Variants in KITLG observed in about 807,000 individuals in gnomAD.
KITLG encodes the protein c-Kit ligand.
KITLG carries 13 observed loss-of-function variants against 34.1 expected under a neutral mutation model. The ratio of observed to expected loss-of-function variants is 0.38; its 90% CI spans 0.25 to 0.61. The LOEUF (loss-of-function observed/expected upper bound fraction) is 0.61. Ranked by LOEUF, KITLG falls within the 20% of genes least tolerant of loss-of-function variation. KITLG has a pLI of 0.60. For missense variants in KITLG, 292 were observed against 318.9 expected (o/e 0.92, Z 0.64); for synonymous variants, 110 against 104.0 (o/e 1.06, Z -0.35).
chr12:88,517,355 T>A (rs1271833232), intron 4 of KITLG, among the ~76,000 whole-genome samples: 1 of 151,980 alleles, frequency 6.6e-6, no homozygotes, highest in Admixed American at 6.6e-5. Flanking sequence ...TAAAGAAAAG[T>A]AGGTAACCAA....
At position 88,521,023 on chromosome 12, in the gene KITLG, G is replaced by A. The variant is rs117086526; in HGVS notation, c.193-2156C>T. Reference sequence around the variant, plus strand: ...TTTGTTGATAGTTGATATAAACTACGTGCCTACACAGCTGAAAAATCGTGT... The same window carrying A: ...TTTGTTGATAGTTGATATAAACTACATGCCTACACAGCTGAAAAATCGTGT... On this transcript the variant is annotated intron_variant, in intron 3 of 9. Transcript: ENST00000644744. 1.5e-3 allele frequency among the ~76,000 whole-genome samples: 227 copies of A among 152,138 alleles called. 3 individuals carry two copies. Among genetic ancestry groups the A allele is most frequent in the East Asian group, 9.8e-3 (51 of 5,182 alleles).
Position 88,516,385 on chromosome 12 carries a change from C to T in KITLG, c.469G>A (p.Ala157Thr). 6.2e-7 allele frequency: 1 copy of T among 1,611,216 alleles called. No homozygotes were observed. Among genetic ancestry groups the T allele is most frequent in the Non-Finnish European group, 8.5e-7 (1 of 1,177,934 alleles). ...SIDAFKDFVV[A>T]SETSDCVVSS... is the part of the protein sequence containing the mutation. ...ACCACACAATCACTAGTTTCAGATG[C>T]CACTACAAAGTCCTTGAAGGCATCA... Residue 157 changes from alanine (A) to threonine (T), a missense_variant, in exon 5 of 10, where the codon GCA (alanine) becomes ACA (threonine). Ala to Thr is a moderately conservative substitution (Grantham distance 58, BLOSUM62 0). Coordinates refer to ENST00000644744, the MANE Select transcript of KITLG (RefSeq NM_000899.5).
intron 2 of KITLG, among the ~76,000 whole-genome samples, chr12:88,533,598 A>G (rs866537245): frequency 6.6e-6 from 1 of 152,190 alleles, no homozygotes; most frequent in African/African-American, 2.4e-5. Context: ...ACCATTGGGT[A>G]TTAAGATAAC....
intron 1 of KITLG, among the ~76,000 whole-genome samples, chr12:88,579,352 T>C (rs1019416329): frequency 2.0e-5 from 3 of 151,946 alleles, no homozygotes; most frequent in African/African-American, 7.3e-5. Flanking sequence ...CACATAACAA[T>C]TTCTAAGGGG....
At chr12:88,536,564 A>G (rs1870325591) in intron 2 of KITLG, among the ~76,000 whole-genome samples, 2 of 152,220 alleles carry the variant, frequency 1.3e-5, no homozygotes, top group East Asian at 3.8e-4. Context: ...TATTCACAAT[A>G]GCAAAGACTT....
intron 2 of KITLG, among the ~76,000 whole-genome samples, chr12:88,536,055 G>A (rs909092358): frequency 1.3e-5 from 2 of 152,030 alleles, no homozygotes; most frequent in African/African-American, 4.8e-5. Flanking sequence ...ACAATTGGGA[G>A]CTAATTAAAC....
At chr12:88,566,973 G>C (rs1871463601) in intron 1 of KITLG, among the ~76,000 whole-genome samples, 1 of 152,104 alleles carries the variant, frequency 6.6e-6, no homozygotes, top group Non-Finnish European at 1.5e-5. Context: ...TTCTTGTTCT[G>C]ACTTTCCTGT....
chr12:88,576,484 T>C (rs539192439), intron 1 of KITLG, among the ~76,000 whole-genome samples: 1 of 152,296 alleles, frequency 6.6e-6, no homozygotes, highest in South Asian at 2.1e-4. Context: ...GTACATATAG[T>C]AAGCTACTAT....
intron 1 of KITLG, among the ~76,000 whole-genome samples, chr12:88,567,167 ATCT>A (rs1186476737): frequency 1.3e-5 from 2 of 152,158 alleles, no homozygotes; most frequent in African/African-American, 4.8e-5. Context: ...CTTTTTCAAT[ATCT>A]AAAAGAGATT....
intron 1 of KITLG, among the ~76,000 whole-genome samples, chr12:88,567,260 G>A (rs1453657006): frequency 1.3e-5 from 2 of 151,966 alleles, no homozygotes; most frequent in Admixed American, 6.6e-5. Context: ...CACATTTTCC[G>A]GCTTGGTAAA....
At position 88,505,164 on chromosome 12, in the gene KITLG, T is replaced by C. The variant is rs780362488; in HGVS notation, c.*32A>G. The C allele has an allele frequency of 2.6e-6, 4 of 1,542,240 alleles. No homozygotes were observed. In the South Asian group the frequency reaches 3.4e-5, roughly 13 times the overall value. On this transcript the variant is annotated 3_prime_UTR_variant, in exon 9 of 10. Coordinates refer to ENST00000644744, the MANE Select transcript of KITLG (RefSeq NM_000899.5). ...GAAAGAAGAAAAAAACTTACCAATGTACGAAAGTAACAGTGTTGATACAAG... is the reference window on the plus strand; with the variant it reads ...GAAAGAAGAAAAAAACTTACCAATGCACGAAAGTAACAGTGTTGATACAAG...
intron 6 of KITLG, among the ~76,000 whole-genome samples, chr12:88,509,625 C>T (rs537696940): frequency 3.9e-5 from 6 of 152,180 alleles, no homozygotes; most frequent in South Asian, 4.1e-4. Flanking sequence ...GACTGGATGG[C>T]GGGGCGGCAG....
intron 1 of KITLG, among the ~76,000 whole-genome samples, chr12:88,563,220 CAGAAG>C (rs945263901): frequency 6.6e-4 from 101 of 152,290 alleles, no homozygotes; most frequent in African/African-American, 2.4e-3. Context: ...AAGACATACC[CAGAAG>C]TGATGACATG....
Position 88,496,289 on chromosome 12 carries a change from C to G in KITLG, c.*930G>C, listed in dbSNP as rs888716450. On this transcript the variant is annotated 3_prime_UTR_variant, in exon 10 of 10. Transcript: ENST00000644744. ...CCCATGGTGGAAATTGAAATGGGAC[C>G]ATCTTACATTCAGCATTTTCTCCTA... is the stretch of plus-strand genomic sequence containing the variant. The G allele has an allele frequency of 6.6e-6, 1 of 152,060 alleles. No homozygotes were observed. Among genetic ancestry groups the G allele is most frequent in the Non-Finnish European group, 1.5e-5 (1 of 67,998 alleles). The allele number at this position is 152,060 out of a possible 1,614,324, so 9.4% of individuals were successfully genotyped here.
intron 3 of KITLG, among the ~76,000 whole-genome samples, chr12:88,525,682 A>G (rs1446596410): frequency 6.6e-6 from 1 of 152,212 alleles, no homozygotes; most frequent in Non-Finnish European, 1.5e-5. Flanking sequence ...TGTAAGCAAT[A>G]TATGATCATG....
At chr12:88,501,021 C>T (rs1287082301) in intron 9 of KITLG, among the ~76,000 whole-genome samples, 1 of 152,086 alleles carries the variant, frequency 6.6e-6, no homozygotes. Context: ...CTCAAGTGAT[C>T]CTCCCACCTC....
chr12:88,562,085 G>A (rs917011020), intron 1 of KITLG, among the ~76,000 whole-genome samples: 1 of 152,084 alleles, frequency 6.6e-6, no homozygotes, highest in Non-Finnish European at 1.5e-5. Flanking sequence ...ATAAGAATGA[G>A]GATTATATTA....
Position 88,545,869 on chromosome 12 carries a change from A to G in KITLG, c.16-4T>C. Reference sequence around the variant, plus strand: ...AAATGCAAGTGAGAATCCAAGTCTAAATGAAAACAGAAAAATTGCTTGGTG... The same window carrying G: ...AAATGCAAGTGAGAATCCAAGTCTAGATGAAAACAGAAAAATTGCTTGGTG... On this transcript the variant is annotated splice_region_variant and splice_polypyrimidine_tract_variant and intron_variant, in intron 1 of 9. Transcript: ENST00000644744. The G allele has an allele frequency of 6.4e-7, 1 of 1,570,044 alleles. No individual in the cohort carries two copies. Among genetic ancestry groups the G allele is most frequent in the Non-Finnish European group, 8.8e-7 (1 of 1,140,404 alleles).
chr12:88,516,029 T>C (rs1206605976), intron 5 of KITLG, among the ~76,000 whole-genome samples: 3 of 151,736 alleles, frequency 2.0e-5, no homozygotes, highest in Non-Finnish European at 3.0e-5. Context: ...TTAAGTAGAC[T>C]GGAGGTACAG....
Sources: gnomAD v4.1 joint callset for allele counts (sites outside exome capture counted in the v4.1 genomes callset) on GRCh38, gnomAD v4.1.1 for gene constraint, MANE v1.5 for transcripts, NCBI Gene and HGNC (gene_info 2026-07-23, HGNC 2026-07-21) for gene names.